Variants in QSER1 observed in about 807,000 individuals in gnomAD.
QSER1 encodes glutamine and serine rich 1.
In QSER1, 49 loss-of-function variants were observed where a neutral mutation model predicts 158.5. That is an observed-to-expected ratio of 0.31 (90% confidence interval 0.25 to 0.39). The LOEUF is 0.39. QSER1 is among the 10% of genes least tolerant of loss of function. QSER1 has a pLI of 1.00. For missense variants in QSER1, 1,754 were observed against 2,010.3 expected (o/e 0.87, Z 2.44); for synonymous variants, 650 against 715.5 (o/e 0.91, Z 1.46).
At position 32,934,032 on chromosome 11, in the gene QSER1, T is replaced by C. The variant is rs781523963; in HGVS notation, c.2774T>C (p.Met925Thr). 4.3e-6 allele frequency: 7 copies of C among 1,613,726 alleles called. No individual in the cohort carries two copies. Among genetic ancestry groups the C allele is most frequent in the Non-Finnish European group, 5.9e-6 (7 of 1,179,916 alleles). Residue 925 changes from methionine to threonine, a missense_variant, in exon 4 of 13, where the codon ATG (methionine) becomes ACG (threonine). Met to Thr is a moderately conservative substitution (Grantham distance 81). This residue lies in a region of QSER1 where 1,707 missense variants were observed against 1,919.6 expected (regional missense o/e 0.89). Transcript: ENST00000650167. Reference protein sequence around the residue: ...LHPQNSEVMKMDLSESSKPLQ... With the variant: ...LHPQNSEVMKTDLSESSKPLQ... ...CCTCAAAATTCTGAAGTTATGAAAA[T>C]GGACCTCTCTGAGTCTTCAAAACCA...
chr11:32,945,450 A>T (rs1297589603), intron 4 of QSER1, among the ~76,000 whole-genome samples: 1 of 151,608 alleles, frequency 6.6e-6, no homozygotes, highest in South Asian at 2.1e-4. Context: ...AAAAGCTCTC[A>T]GCATTTGCTT....
At chr11:32,916,875 C>T (rs1033169736) in intron 1 of QSER1, among the ~76,000 whole-genome samples, 16 of 151,848 alleles carry the variant, frequency 1.1e-4, no homozygotes, top group African/African-American at 3.9e-4. Flanking sequence ...CAACCTCCAC[C>T]TCCCGGGTTC....
chr11:32,932,710 T>C lies in QSER1; in HGVS notation c.1452T>C (p.Ile484=). ...TACAGCCACATAATGTGCCATCTAT[T>C]GTTCATTCACAGGTTTATAGGTCCA... ...GLVQPHNVPS[I]VHSQVYRSSK... is the part of the protein sequence containing the mutation. Residue 484 remains isoleucine, a synonymous_variant, in exon 4 of 13, where the codon ATT becomes ATC. Coordinates refer to ENST00000650167, the MANE Select transcript of QSER1 (RefSeq NM_001076786.3). 1 of 1,614,218 alleles carries C rather than the reference T, an allele frequency of 6.2e-7. No individual in the cohort carries two copies. The highest frequency in any genetic ancestry group is 8.5e-7 in the Non-Finnish European group (1 of 1,180,020).
rs1429190534 is a variant in QSER1, at chr11:32,957,908, T to C, written c.4791T>C (p.Ser1597=). ...QAKPSSSSKT[S]DPLASKTTTT... Reference sequence around the variant, plus strand: ...AGCCAAGTAGTAGCAGTAAAACTTCTGATCCTCTAGCATCAAAAACTACAA... The same window carrying C: ...AGCCAAGTAGTAGCAGTAAAACTTCCGATCCTCTAGCATCAAAAACTACAA... Residue 1597 remains serine (S), a synonymous_variant, in exon 8 of 13, where the codon TCT becomes TCC. Coordinates refer to ENST00000650167, the MANE Select transcript of QSER1 (RefSeq NM_001076786.3). 8 of 1,614,186 alleles carry C rather than the reference T, an allele frequency of 5.0e-6. No individual in the cohort carries two copies. The highest frequency in any genetic ancestry group is 2.2e-5 in the East Asian group (1 of 44,860).
At position 32,933,628 on chromosome 11, in the gene QSER1, T is replaced by C. The variant is rs1036191131; in HGVS notation, c.2370T>C (p.Thr790=). 19 of 1,613,786 alleles carry C rather than the reference T, an allele frequency of 1.2e-5. No individual in the cohort carries two copies. Among genetic ancestry groups the C allele is most frequent in the Admixed American group, 3.3e-5 (2 of 59,942 alleles). ...NAATLDLKNS[T]NLIQTPQIRL... ...CTACCCTTGATCTTAAGAACTCAAC[T>C]AATTTAATACAGACTCCACAAATAA... The change falls in exon 4 of 13, where the codon ACT becomes ACC. Residue 790 remains threonine, a synonymous_variant. Transcript: ENST00000650167.
At chr11:32,956,545 A>T (rs949790188) in intron 7 of QSER1, among the ~76,000 whole-genome samples, 1 of 152,242 alleles carries the variant, frequency 6.6e-6, no homozygotes, top group African/African-American at 2.4e-5. Context: ...GTACAAGTGT[A>T]CACAGTAGAA....
chr11:32,900,762 T>C (rs1350806540), intron 1 of QSER1, among the ~76,000 whole-genome samples: 2 of 152,234 alleles, frequency 1.3e-5, no homozygotes, highest in African/African-American at 2.4e-5. Flanking sequence ...GAAGTTTTCT[T>C]TGCAGGTCTT....
intron 1 of QSER1, among the ~76,000 whole-genome samples, chr11:32,894,197 T>A (rs1851525314): frequency 6.6e-6 from 1 of 152,174 alleles, no homozygotes; most frequent in Admixed American, 6.5e-5. Flanking sequence ...TCATCTTGCA[T>A]GACCAAGGGA....
chr11:32,960,112 G>A (rs942525616), intron 8 of QSER1, among the ~76,000 whole-genome samples: 7 of 152,038 alleles, frequency 4.6e-5, no homozygotes, highest in Non-Finnish European at 8.8e-5. Context: ...GTGCAGTGGT[G>A]CACATCTACA....
At chr11:32,959,044 A>C (rs1010582604) in intron 8 of QSER1, among the ~76,000 whole-genome samples, 2 of 152,250 alleles carry the variant, frequency 1.3e-5, no homozygotes, top group Non-Finnish European at 2.9e-5. Context: ...GTTGTAATAC[A>C]TAAGAATATA....
intron 4 of QSER1, among the ~76,000 whole-genome samples, chr11:32,950,257 G>A (rs1852400824): frequency 6.6e-6 from 1 of 152,002 alleles, no homozygotes; most frequent in Admixed American, 6.6e-5. Flanking sequence ...ATCACACCTG[G>A]CTAATTTTTG....
intron 1 of QSER1, among the ~76,000 whole-genome samples, chr11:32,919,067 T>C (rs931045983): frequency 1.8e-4 from 27 of 152,230 alleles, no homozygotes; most frequent in Admixed American, 1.8e-3. Context: ...CTATAGTTTA[T>C]GCAGATTTCC....
At position 32,932,049 on chromosome 11, in the gene QSER1, G is replaced by A. The variant is rs756839356; in HGVS notation, c.791G>A (p.Arg264His). Residue 264 changes from arginine to histidine, a missense_variant, in exon 4 of 13, where the codon CGC becomes CAC. Around this residue, in one of 2 missense-constraint regions of QSER1, gnomAD observed 1,707 missense variants for 1,919.6 expected, o/e 0.89. Coordinates refer to ENST00000650167, the MANE Select transcript of QSER1 (RefSeq NM_001076786.3). ...ATACCACCTCAGTCTTCAACATACCGCTCAGCTCAAGAGTCTGCACCCCAT... is the reference window on the plus strand; with the variant it reads ...ATACCACCTCAGTCTTCAACATACCACTCAGCTCAAGAGTCTGCACCCCAT... ...NSIPPQSSTY[R>H]SAQESAPHLL... 5 of 1,614,116 alleles carry A rather than the reference G, an allele frequency of 3.1e-6. No homozygotes were observed. The highest frequency in any genetic ancestry group is 1.1e-5 in the South Asian group (1 of 91,086).
intron 7 of QSER1, among the ~76,000 whole-genome samples, chr11:32,956,654 G>A (rs1009337392): frequency 5.3e-5 from 8 of 152,164 alleles, no homozygotes; most frequent in Admixed American, 2.0e-4. Flanking sequence ...AGGTATGACC[G>A]TAGATGTTCT....
intron 4 of QSER1, among the ~76,000 whole-genome samples, chr11:32,945,972 T>C (rs1306276683): frequency 6.6e-6 from 1 of 151,798 alleles, no homozygotes; most frequent in Non-Finnish European, 1.5e-5. Context: ...TCCTTCTCGC[T>C]TCATTTCATT....
chr11:32,941,116 G>A (rs921977084), intron 4 of QSER1, among the ~76,000 whole-genome samples: 9 of 151,434 alleles, frequency 5.9e-5, no homozygotes, highest in East Asian at 1.9e-4. Context: ...CTTTCTTTTC[G>A]AACTGGCTTA....
chr11:32,960,874 T>C (rs1294033247), intron 8 of QSER1, among the ~76,000 whole-genome samples: 1 of 152,212 alleles, frequency 6.6e-6, no homozygotes, highest in Admixed American at 6.5e-5. Flanking sequence ...CAAATATTGA[T>C]AATAAACATA....
At chr11:32,946,652 T>A (rs866280748) in intron 4 of QSER1, among the ~76,000 whole-genome samples, 5 of 152,150 alleles carry the variant, frequency 3.3e-5, no homozygotes, top group Admixed American at 2.6e-4. Context: ...ACAGGGACAT[T>A]TAAGTCTGCA....
Position 32,934,622 on chromosome 11 carries a change from G to T in QSER1, c.3364G>T (p.Ala1122Ser), listed in dbSNP as rs375786728. The T allele has an allele frequency of 1.2e-6, 2 of 1,613,698 alleles. No homozygotes were observed. The highest frequency in any genetic ancestry group is 4.5e-5 in the East Asian group (2 of 44,876). ...TNLESEEDSE[A>S]PVDSTLNNNR... ...TCTTGAATCTGAAGAAGACAGTGAA[G>T]CTCCTGTTGATAGTACATTAAATAA... The change falls in exon 4 of 13, where the codon GCT becomes TCT. Residue 1122 changes from alanine to serine, a missense_variant. Ala to Ser is a moderately conservative substitution (Grantham distance 99, BLOSUM62 1). Around this residue, in one of 2 missense-constraint regions of QSER1, gnomAD observed 1,707 missense variants for 1,919.6 expected, o/e 0.89. Coordinates refer to ENST00000650167, the MANE Select transcript of QSER1 (RefSeq NM_001076786.3).
Sources: allele counts gnomAD v4.1 joint callset (sites outside exome capture counted in the v4.1 genomes callset), GRCh38; gene constraint gnomAD v4.1.1; regional missense constraint gnomAD v4.1.1; transcripts MANE v1.5; gene names NCBI Gene and HGNC (gene_info 2026-07-23, HGNC 2026-07-21).